Variants in ABCA13 observed in about 807,000 individuals in gnomAD.
The protein encoded by ABCA13 is ATP binding cassette subfamily A member 13.
ABCA13 carries 476 observed loss-of-function variants against 478.7 expected under a neutral mutation model. The observed-to-expected ratio is 0.99, with a 90% CI of 0.92 to 1.07. The LOEUF (loss-of-function observed/expected upper bound fraction) is 1.07. Ranked by LOEUF, ABCA13 falls within the 50% of genes least tolerant of loss-of-function variation. ABCA13 has a pLI of 0.00. For missense variants in ABCA13, 6,060 were observed against 5,910.6 expected (o/e 1.03, Z -0.83); for synonymous variants, 2,252 against 2,158.9 (o/e 1.04, Z -1.20).
intron 55 of ABCA13, among the ~76,000 whole-genome samples, chr7:48,545,657 A>C (rs1335241849): frequency 6.6e-6 from 1 of 151,730 alleles, no homozygotes; most frequent in Non-Finnish European, 1.5e-5. Context: ...TGGCTATCAC[A>C]AAAAGGAGAA....
intron 42 of ABCA13, among the ~76,000 whole-genome samples, chr7:48,430,673 A>T (rs1393609850): frequency 6.8e-5 from 1 of 14,630 alleles, no homozygotes; most frequent in Non-Finnish European, 1.3e-4. Flanking sequence ...GACTCCGTCT[A>T]AAAAAAAAAA....
chr7:48,459,685 G>A (rs1174580460), intron 43 of ABCA13, among the ~76,000 whole-genome samples: 2 of 152,120 alleles, frequency 1.3e-5, no homozygotes, highest in African/African-American at 4.8e-5. Flanking sequence ...CTTTATATCT[G>A]TACCTTTAGT....
Position 48,455,070 on chromosome 7 carries a change from G to A in ABCA13, c.12599G>A (p.Gly4200Asp), listed in dbSNP as rs1348379905. 9.1e-6 allele frequency: 14 copies of A among 1,541,382 alleles called. No individual in the cohort carries two copies. Among genetic ancestry groups the A allele is most frequent in the Non-Finnish European group, 1.2e-5 (14 of 1,145,178 alleles). ...CTAGCACGGCCCGCAACTGTGCAGG[G>A]CGTCCAGCTGCTCCGCGCACAAGTG... is the stretch of plus-strand genomic sequence containing the variant. The part of the protein sequence containing the change: ...GSLARPATVQ[G>D]VQLLRAQVAA... Residue 4200 changes from glycine (G) to aspartate (D), a missense_variant, in exon 43 of 62, where the codon GGC (glycine) becomes GAC (aspartate). Physicochemically the swap from Gly to Asp is moderately conservative, Grantham distance 94. This residue lies in a region of ABCA13 where 1,627 missense variants were observed against 1,571.0 expected (regional missense o/e 1.04). Coordinates refer to ENST00000435803, the MANE Select transcript of ABCA13 (RefSeq NM_152701.5).
intron 8 of ABCA13, among the ~76,000 whole-genome samples, chr7:48,236,275 G>T (rs1789940832): frequency 6.6e-6 from 1 of 152,108 alleles, no homozygotes; most frequent in African/African-American, 2.4e-5. Flanking sequence ...AGAGTTATTT[G>T]GAGAAGCAGC....
chr7:48,485,079 A>T (rs548554916), intron 47 of ABCA13, among the ~76,000 whole-genome samples: 4 of 152,192 alleles, frequency 2.6e-5, no homozygotes, highest in Non-Finnish European at 5.9e-5. Flanking sequence ...GAGTTCTATC[A>T]TTCACATCTT....
At chr7:48,314,586 C>T (rs1356130030) in intron 26 of ABCA13, among the ~76,000 whole-genome samples, 177 bp downstream of exon 26, 7 of 152,138 alleles carry the variant, frequency 4.6e-5, no homozygotes, top group African/African-American at 1.7e-4. Flanking sequence ...GTTCTAGTGC[C>T]TTTGAGCACA....
chr7:48,338,374 A>G lies in ABCA13; in HGVS notation c.10123A>G (p.Arg3375Gly). ...TATTATTTTTCTTTAGGAGGCCCTGAGAAACAAATTTGTAAGAAACTTTGT... is the reference window on the plus strand; with the variant it reads ...TATTATTTTTCTTTAGGAGGCCCTGGGAAACAAATTTGTAAGAAACTTTGT... ...QMFNQLQEAL[R>G]NKFVRNFVEN... The change falls in exon 29 of 62, where the codon AGA (arginine) becomes GGA (glycine). Residue 3375 changes from arginine (R) to glycine (G), a missense_variant. Coordinates refer to ENST00000435803, the MANE Select transcript of ABCA13 (RefSeq NM_152701.5). 6.3e-7 allele frequency: 1 copy of G among 1,594,178 alleles called. No individual in the cohort carries two copies.
intron 23 of ABCA13, among the ~76,000 whole-genome samples, chr7:48,305,229 G>A (rs944311860): frequency 9.9e-5 from 15 of 151,394 alleles, no homozygotes; most frequent in Non-Finnish European, 1.6e-4. Flanking sequence ...GTGTGTAGAT[G>A]TTAAGCAGCT....
chr7:48,610,272 G>A (rs1169102918), intron 58 of ABCA13, among the ~76,000 whole-genome samples: 1 of 152,192 alleles, frequency 6.6e-6, no homozygotes, highest in Non-Finnish European at 1.5e-5. Context: ...ACCCAGCAGA[G>A]TAGTCATTAA....
At chr7:48,215,058 T>A (rs1786235385) in intron 3 of ABCA13, among the ~76,000 whole-genome samples, 1 of 152,166 alleles carries the variant, frequency 6.6e-6, no homozygotes, top group South Asian at 2.1e-4. Context: ...GAGGTTGCAG[T>A]GAGCTGAGAT....
At chr7:48,293,433 TAA>T in intron 20 of ABCA13, among the ~76,000 whole-genome samples, 1 of 152,240 alleles carries the variant, frequency 6.6e-6, no homozygotes, top group Admixed American at 6.5e-5. Flanking sequence ...AAATATTATC[TAA>T]GTGTTGACCT....
intron 15 of ABCA13, among the ~76,000 whole-genome samples, chr7:48,250,927 G>A (rs557981852): frequency 6.6e-6 from 1 of 152,296 alleles, no homozygotes; most frequent in East Asian, 1.9e-4. Context: ...CAGGGACTTG[G>A]ACAGGAAATG....
chr7:48,597,167 G>A (rs537054366), intron 58 of ABCA13, among the ~76,000 whole-genome samples: 5 of 152,088 alleles, frequency 3.3e-5, no homozygotes, highest in Admixed American at 2.0e-4. Context: ...AGCCAGGATG[G>A]TCTCGATCTC....
At chr7:48,295,527 G>T (rs1181914918) in intron 20 of ABCA13, among the ~76,000 whole-genome samples, 173 bp from the exon 21 acceptor site, 6 of 152,210 alleles carry the variant, frequency 3.9e-5, no homozygotes, top group African/African-American at 1.2e-4. Flanking sequence ...GGAGCCAGGA[G>T]TAAAATCTGG....
intron 23 of ABCA13, 150 bp downstream of exon 23, chr7:48,298,637 G>A: frequency 1.0e-6 from 1 of 967,664 alleles, no homozygotes; most frequent in South Asian, 3.5e-5. Context: ...ATTGGAGGCA[G>A]AAAGGAAACA....
chr7:48,538,300 C>T (rs904461556), intron 55 of ABCA13, among the ~76,000 whole-genome samples: 6 of 151,934 alleles, frequency 3.9e-5, no homozygotes, highest in African/African-American at 1.2e-4. Flanking sequence ...GGGGTTTTAC[C>T]ATGTTGGCTA....
intron 58 of ABCA13, among the ~76,000 whole-genome samples, chr7:48,596,792 C>T (rs559956916): frequency 1.3e-5 from 2 of 151,618 alleles, no homozygotes; most frequent in South Asian, 2.1e-4. Context: ...AGCAAGACTC[C>T]GTCTCAAAAA....
rs898076770 is a variant in ABCA13, at chr7:48,519,254, C to T, written c.13798-787C>T. On this transcript the variant is annotated intron_variant, in intron 52 of 61. Transcript: ENST00000435803. ...GTCTTTGCTATTGTGAATAGTGCTGCAGTGAACATATGTGTGCACATATCT... is the reference window on the plus strand; with the variant it reads ...GTCTTTGCTATTGTGAATAGTGCTGTAGTGAACATATGTGTGCACATATCT... Among the ~76,000 whole-genome samples, 3 of 152,132 alleles carry T rather than the reference C, an allele frequency of 2.0e-5. No individual in the cohort carries two copies. In the South Asian group the frequency reaches 6.2e-4, roughly 32 times the overall value.
chr7:48,297,938 CT>C (rs1799623030), intron 22 of ABCA13, among the ~76,000 whole-genome samples: 1 of 127,984 alleles, frequency 7.8e-6, no homozygotes, highest in Non-Finnish European at 1.7e-5. Context: ...CCATGCCCGG[CT>C]ATTTTTTTTT....
Sources: allele counts gnomAD v4.1 joint callset (sites outside exome capture counted in the v4.1 genomes callset), GRCh38; gene constraint gnomAD v4.1.1; regional missense constraint gnomAD v4.1.1; transcripts MANE v1.5; gene names NCBI Gene and HGNC (gene_info 2026-07-23, HGNC 2026-07-21).